IGFBP7: variants seen among roughly 807,000 people sequenced by gnomAD.
IGFBP7 encodes insulin-like growth factor-binding protein 7.
Under a neutral mutation model 29.4 loss-of-function variants are expected in IGFBP7, and 31 were observed. The ratio of observed to expected loss-of-function variants is 1.05; its 90% CI spans 0.79 to 1.42. IGFBP7 has a LOEUF of 1.42. Among genes scored for constraint, IGFBP7 ranks in the 40% most tolerant of loss-of-function variants. IGFBP7 has a pLI of 0.00. For synonymous variants in IGFBP7, 172 were observed against 174.9 expected (o/e 0.98, Z 0.13); for missense variants, 393 against 395.5 (o/e 0.99, Z 0.05).
At chr4:57,100,071 C>CTTTCTT (rs1553917321) in intron 1 of IGFBP7, among the ~76,000 whole-genome samples, 1 of 115,754 alleles carries the variant, frequency 8.6e-6, no homozygotes, top group South Asian at 2.7e-4. Flanking sequence ...TCTTTTCTTT[C>CTTTCTT]TTTTTTTTTT....
intron 1 of IGFBP7, chr4:57,065,576 C>T (rs543635893): frequency 6.6e-6 from 1 of 152,474 alleles, no homozygotes; most frequent in South Asian, 2.1e-4. Flanking sequence ...CGTCGGCCCT[C>T]CTCCCAATCC....
chr4:57,085,228 G>C (rs1366977585), intron 1 of IGFBP7, among the ~76,000 whole-genome samples: 1 of 151,328 alleles, frequency 6.6e-6, no homozygotes, highest in Non-Finnish European at 1.5e-5. Context: ...TTGTATTTCA[G>C]TGAAGTTTTT....
Position 57,042,122 on chromosome 4 carries a change from C to T in IGFBP7, c.476-1189G>A, listed in dbSNP as rs548738351. 2.0e-5 allele frequency among the ~76,000 whole-genome samples: 3 copies of T among 152,246 alleles called. No individual in the cohort carries two copies. In the East Asian group the frequency reaches 5.8e-4, roughly 30 times the overall value. ...GGCCAGAATGATGCTTCTCCATTCC[C>T]CCAATTAGGGAACACACCCCCCACC... On this transcript the variant is annotated intron_variant, in intron 1 of 4. Transcript: ENST00000295666.
At chr4:57,094,618 C>T (rs6837295) in intron 1 of IGFBP7, among the ~76,000 whole-genome samples, 38,041 of 152,124 alleles carry the variant, frequency 0.25, 5,338 homozygotes, top group African/African-American at 0.38. Context: ...GTTTGTTAAA[C>T]TGCATCAAGA....
chr4:57,094,578 T>C (rs1176454841), intron 1 of IGFBP7, among the ~76,000 whole-genome samples: 1 of 152,206 alleles, frequency 6.6e-6, no homozygotes, highest in Non-Finnish European at 1.5e-5. Context: ...AGGCTCATCA[T>C]GGGATAGTCA....
chr4:57,040,577 G>A (rs754368449), intron 2 of IGFBP7, among the ~76,000 whole-genome samples: 1 of 152,190 alleles, frequency 6.6e-6, no homozygotes, highest in Non-Finnish European at 1.5e-5. Flanking sequence ...CCTGAAGGTG[G>A]GTTCAGGTGT....
intron 1 of IGFBP7, among the ~76,000 whole-genome samples, chr4:57,054,606 T>C (rs1724597670): frequency 7.5e-6 from 1 of 133,218 alleles, no homozygotes; most frequent in South Asian, 2.3e-4. Flanking sequence ...ACCACGGCAC[T>C]CCAGCCTGGC....
chr4:57,095,855 T>G (rs992698861), intron 1 of IGFBP7, among the ~76,000 whole-genome samples: 4 of 152,158 alleles, frequency 2.6e-5, no homozygotes, highest in Non-Finnish European at 5.9e-5. Flanking sequence ...AGATTCCAGA[T>G]AGATGACAGA....
At chr4:57,072,923 G>A (rs1385086404) in intron 1 of IGFBP7, 3 of 735,722 alleles carry the variant, frequency 4.1e-6, no homozygotes, top group South Asian at 2.7e-5. Context: ...GGACACCCAG[G>A]GTAATATCTG....
intron 1 of IGFBP7, among the ~76,000 whole-genome samples, chr4:57,098,348 T>A (rs188758931): frequency 2.6e-5 from 4 of 152,230 alleles, no homozygotes; most frequent in African/African-American, 9.6e-5. Flanking sequence ...CAGCATGCAG[T>A]AACAGGCCAG....
At chr4:57,075,630 T>A (rs1164791007) in intron 1 of IGFBP7, among the ~76,000 whole-genome samples, 1 of 131,490 alleles carries the variant, frequency 7.6e-6, no homozygotes, top group Non-Finnish European at 1.6e-5. Context: ...CACACTAAGC[T>A]TCAGTGAAGC....
At chr4:57,054,600 C>T (rs1416341363) in intron 1 of IGFBP7, among the ~76,000 whole-genome samples, 5 of 141,322 alleles carry the variant, frequency 3.5e-5, no homozygotes, top group African/African-American at 5.4e-5. Context: ...GATCACACCA[C>T]GGCACTCCAG....
Position 57,110,224 on chromosome 4 carries a change from A to G in IGFBP7, c.128T>C (p.Leu43Pro). ...GCCCAGCAGGCAGCCCAGCGGGGGC[A>G]GGGGCGGGCAGGAGGCCGGCTCGCA... ...GPCEPASCPP[L>P]PPLGCLLGET... The change falls in exon 1 of 5, where the codon CTG becomes CCG. Residue 43 changes from leucine to proline, a missense_variant. Leu to Pro is a moderately conservative substitution (Grantham distance 98). Coordinates refer to ENST00000295666, the MANE Select transcript of IGFBP7 (RefSeq NM_001553.3). 1 of 1,377,516 alleles carries G rather than the reference A, an allele frequency of 7.3e-7. No individual in the cohort carries two copies. The highest frequency in any genetic ancestry group is 1.7e-5 in the South Asian group (1 of 58,692). 85.3% of individuals were successfully genotyped at this position (1,377,516 alleles called of 1,614,324 possible).
chr4:57,055,038 A>T (rs1478225309), intron 1 of IGFBP7, among the ~76,000 whole-genome samples: 1 of 152,226 alleles, frequency 6.6e-6, no homozygotes, highest in Non-Finnish European at 1.5e-5. Context: ...GGGGTCCGAC[A>T]GTGCAGTATA....
chr4:57,056,283 C>T (rs1459650208), intron 1 of IGFBP7, among the ~76,000 whole-genome samples: 1 of 152,182 alleles, frequency 6.6e-6, no homozygotes, highest in Non-Finnish European at 1.5e-5. Context: ...CGTGTTTCTT[C>T]TCCCATTTTT....
chr4:57,104,605 C>G (rs1256044065), intron 1 of IGFBP7, among the ~76,000 whole-genome samples: 4 of 152,092 alleles, frequency 2.6e-5, no homozygotes. Flanking sequence ...CTAAAATGAG[C>G]TTCTCAAAGA....
chr4:57,087,419 A>C (rs949504483), intron 1 of IGFBP7, among the ~76,000 whole-genome samples: 1 of 152,244 alleles, frequency 6.6e-6, no homozygotes, highest in Non-Finnish European at 1.5e-5. Context: ...TCTCAAAAGG[A>C]TGCCAATTTT....
chr4:57,068,482 A>C (rs1191768309), intron 1 of IGFBP7, among the ~76,000 whole-genome samples: 1 of 152,220 alleles, frequency 6.6e-6, no homozygotes, highest in East Asian at 1.9e-4. Context: ...GCTAATGCAC[A>C]GATAAGATGG....
In IGFBP7 at chr4:57,109,785, G is replaced by A. The variant is rs1359198045; in HGVS notation, c.475+92C>T. On this transcript the variant is annotated intron_variant, in intron 1 of 4. Coordinates refer to ENST00000295666, the MANE Select transcript of IGFBP7 (RefSeq NM_001553.3). The stretch of plus-strand genomic sequence containing the variant: ...GCCCGCGGGGGAATCGCAGTGAGCA[G>A]CGCGGGGCGAGGCCGCCGCGGACGC... 3 of 1,404,994 alleles carry A rather than the reference G, an allele frequency of 2.1e-6. No individual in the cohort carries two copies. In the African/African-American group the frequency reaches 4.5e-5, roughly 21 times the overall value. The allele number at this position is 1,404,994 out of a possible 1,614,324, so 87.0% of individuals were successfully genotyped here.
Sources: gnomAD v4.1 joint callset for allele counts (sites outside exome capture counted in the v4.1 genomes callset) on GRCh38, gnomAD v4.1.1 for gene constraint, MANE v1.5 for transcripts, NCBI Gene and HGNC (gene_info 2026-07-23, HGNC 2026-07-21) for gene names.